C2orf49: variants seen among roughly 807,000 people sequenced by gnomAD.
C2orf49 encodes the protein tRNA splicing ligase complex subunit 2, also known as tRNA-splicing ligase complex subunit ASW.
A neutral mutation model predicts 20.6 loss-of-function variants in C2orf49; 11 were observed. The observed-to-expected ratio is 0.53, with a 90% CI of 0.34 to 0.88. C2orf49 has a LOEUF of 0.88. Among genes scored for constraint, C2orf49 ranks in the 40% least tolerant of loss-of-function variants. The pLI is 0.02. For missense variants in C2orf49, 289 were observed against 274.2 expected, an observed-to-expected ratio of 1.05 and a Z score of -0.38; for synonymous variants, 134 against 108.5, an observed-to-expected ratio of 1.24 and a Z score of -1.46.
In C2orf49 at chr2:105,347,406, G is replaced by A. The variant is rs868098834; in HGVS notation, c.*2035G>A. ...AGAGTTAGCCATTTGACGATTTTAA[G>A]TCAGTGGGAACTTATTTTTAGTTAC... On this transcript the variant is annotated 3_prime_UTR_variant, in exon 4 of 4. Coordinates refer to ENST00000258457, the MANE Select transcript of C2orf49 (RefSeq NM_024093.3). 2.6e-5 allele frequency: 4 copies of A among 152,182 alleles called. No individual in the cohort carries two copies. The highest frequency in any genetic ancestry group is 2.9e-5 in the Non-Finnish European group (2 of 68,036). The allele number at this position is 152,182 out of a possible 1,614,324, so 9.4% of individuals were successfully genotyped here. A position where few individuals can be genotyped will look rare whatever the true frequency, so the allele number is the denominator to read the frequency against.
At chr2:105,355,197 AAAAG>A in the C2orf49 span, among the ~76,000 whole-genome samples, 4 of 152,306 alleles carry the variant, frequency 2.6e-5, no homozygotes, top group East Asian at 5.8e-4. Context: ...GGAGGGAAGA[AAAAG>A]AAGGAAAAGA....
At chr2:105,361,045 G>A in the C2orf49 span, 46 of 393,070 alleles carry the variant, frequency 1.2e-4, no homozygotes, top group African/African-American at 8.2e-4. Flanking sequence ...TGCCTTACTC[G>A]ATTACAAAAA....
the C2orf49 span, among the ~76,000 whole-genome samples, chr2:105,382,166 A>G: frequency 6.6e-6 from 1 of 152,208 alleles, no homozygotes; most frequent in Non-Finnish European, 1.5e-5. Flanking sequence ...AATGTTTCCT[A>G]TTAGCTACAA....
the C2orf49 span, chr2:105,376,126 G>T: frequency 6.6e-6 from 1 of 152,154 alleles, no homozygotes; most frequent in Non-Finnish European, 1.5e-5. Context: ...CCCCATCTGT[G>T]AGCTCCAGGC....
downstream of C2orf49, among the ~76,000 whole-genome samples, chr2:105,350,967 A>G (rs780199816): frequency 6.6e-6 from 1 of 152,002 alleles, no homozygotes; most frequent in Non-Finnish European, 1.5e-5. Context: ...GTACCATGTT[A>G]TTTAGTTGTC....
the C2orf49 span, among the ~76,000 whole-genome samples, chr2:105,382,576 A>G: frequency 7.2e-5 from 11 of 152,366 alleles, no homozygotes; most frequent in East Asian, 1.7e-3. Context: ...CAGTTTAGGC[A>G]TTTACAAGTG....
chr2:105,362,608 T>C, the C2orf49 span, among the ~76,000 whole-genome samples: 7 of 152,326 alleles, frequency 4.6e-5, no homozygotes, highest in East Asian at 1.4e-3. Context: ...TCCTGTGTTA[T>C]TACAGAACAC....
Position 105,341,919 on chromosome 2 carries a change from T to G in C2orf49, c.267-929T>G, listed in dbSNP as rs556394952. On this transcript the variant is annotated intron_variant, in intron 2 of 3. Coordinates refer to ENST00000258457, the MANE Select transcript of C2orf49 (RefSeq NM_024093.3). Reference sequence around the variant, plus strand: ...TGGGCCAAGAGCAGTGGCTCACGCCTGTAATCCCAGCATGTTGGGAGGCGG... The same window carrying G: ...TGGGCCAAGAGCAGTGGCTCACGCCGGTAATCCCAGCATGTTGGGAGGCGG... Among the ~76,000 whole-genome samples, 5 of 152,374 alleles carry G rather than the reference T, an allele frequency of 3.3e-5. No homozygotes were observed. The East Asian group carries it at 9.6e-4, about 29-fold the overall frequency.
chr2:105,381,606 C>A, the C2orf49 span, among the ~76,000 whole-genome samples: 4 of 152,088 alleles, frequency 2.6e-5, no homozygotes, highest in African/African-American at 9.7e-5. Context: ...ACTGACAGGC[C>A]CTTCTCATGA....
chr2:105,381,572 T>C, the C2orf49 span, among the ~76,000 whole-genome samples: 1 of 152,200 alleles, frequency 6.6e-6, no homozygotes, highest in Admixed American at 6.5e-5. Context: ...TTTGGTTTTA[T>C]GCACTGACAG....
chr2:105,380,254 G>A, the C2orf49 span, among the ~76,000 whole-genome samples: 1 of 152,160 alleles, frequency 6.6e-6, no homozygotes, highest in East Asian at 1.9e-4. Flanking sequence ...GCCACCAAAA[G>A]GCCTAGAAGC....
At chr2:105,370,633 G>A in the C2orf49 span, among the ~76,000 whole-genome samples, 1 of 152,144 alleles carries the variant, frequency 6.6e-6, no homozygotes, top group Non-Finnish European at 1.5e-5. Flanking sequence ...TAAATTCACC[G>A]CAAAAGCTGT....
the C2orf49 span, among the ~76,000 whole-genome samples, chr2:105,356,983 C>T: frequency 1.3e-5 from 2 of 152,106 alleles, no homozygotes; most frequent in Non-Finnish European, 2.9e-5. Flanking sequence ...GTTGTACAGG[C>T]TGGAGTGCAG....
At chr2:105,363,282 C>A in the C2orf49 span, 1 of 1,613,730 alleles carries the variant, frequency 6.2e-7, no homozygotes, top group Non-Finnish European at 8.5e-7. Context: ...CCGGGACACT[C>A]ACCGCTGATG....
chr2:105,385,709 C>G, the C2orf49 span, among the ~76,000 whole-genome samples: 4 of 152,166 alleles, frequency 2.6e-5, no homozygotes, highest in South Asian at 2.1e-4. Flanking sequence ...CAGGTTGGAA[C>G]AAGAGTCTGC....
At chr2:105,363,666 T>C in the C2orf49 span, among the ~76,000 whole-genome samples, 2 of 152,228 alleles carry the variant, frequency 1.3e-5, no homozygotes, top group African/African-American at 4.8e-5. Context: ...TCATAGGCCC[T>C]GGCTTTCCCG....
At chr2:105,373,728 C>T in the C2orf49 span, 3 of 1,613,786 alleles carry the variant, frequency 1.9e-6, no homozygotes, top group Non-Finnish European at 2.5e-6. Context: ...CCTTGTAAGA[C>T]AAGTCCTGTG....
chr2:105,368,892 G>C, the C2orf49 span, among the ~76,000 whole-genome samples: 4 of 152,248 alleles, frequency 2.6e-5, no homozygotes, highest in Non-Finnish European at 2.9e-5. Context: ...TGGCCACTGT[G>C]TAAGACCAAA....
chr2:105,359,920 A>G, the C2orf49 span: 1 of 152,244 alleles, frequency 6.6e-6, no homozygotes, highest in African/African-American at 2.4e-5. Flanking sequence ...AGCTCTGCCA[A>G]GAAAAATGAC....
Sources: allele counts gnomAD v4.1 joint callset (sites outside exome capture counted in the v4.1 genomes callset), GRCh38; gene constraint gnomAD v4.1.1; transcripts MANE v1.5; gene names NCBI Gene and HGNC (gene_info 2026-07-23, HGNC 2026-07-21).